Variants in GPRC6A observed in about 807,000 individuals in gnomAD.
The protein encoded by GPRC6A is G protein-coupled receptor family C group 6 member A.
Under a neutral mutation model 47.0 loss-of-function variants are expected in GPRC6A, and 54 were observed. The observed-to-expected ratio is 1.15, with a 90% CI of 0.92 to 1.44. The LOEUF (loss-of-function observed/expected upper bound fraction) is 1.44. GPRC6A is among the 40% of genes most tolerant of loss of function. GPRC6A has a pLI of 0.00. For missense variants in GPRC6A, 1,112 were observed against 1,105.5 expected (o/e 1.01, Z -0.08); for synonymous variants, 347 against 377.1 (o/e 0.92, Z 0.93).
intron 1 of GPRC6A, among the ~76,000 whole-genome samples, chr6:116,811,176 T>C (rs1773011494): frequency 6.6e-6 from 1 of 152,132 alleles, no homozygotes; most frequent in Admixed American, 6.6e-5. Context: ...ACTGAGGAAA[T>C]GTCAGATGGC....
chr6:116,793,321 G>A (rs1011222548), intron 5 of GPRC6A, 71 bp from the exon 6 acceptor site: 64 of 1,059,718 alleles, frequency 6.0e-5, no homozygotes, highest in Middle Eastern at 3.1e-4. Context: ...TACTACAAAT[G>A]AGATTCGTCT....
chr6:116,793,475 GA>G (rs1772384904), intron 5 of GPRC6A, among the ~76,000 whole-genome samples: 1 of 152,040 alleles, frequency 6.6e-6, no homozygotes, highest in South Asian at 2.1e-4. Flanking sequence ...AATAGAGAAA[GA>G]AAAAAAGCCA....
At chr6:116,802,834 G>A (rs1772719190) in intron 3 of GPRC6A, among the ~76,000 whole-genome samples, 1 of 152,064 alleles carries the variant, frequency 6.6e-6, no homozygotes, top group African/African-American at 2.4e-5. Context: ...TGGAATTTAA[G>A]GAAGATGAGT....
chr6:116,819,459 T>C (rs1445364851), intron 1 of GPRC6A, among the ~76,000 whole-genome samples: 3 of 151,972 alleles, frequency 2.0e-5, no homozygotes, highest in African/African-American at 7.3e-5. Flanking sequence ...TACTTGGAAG[T>C]AAAGCTCTCC....
chr6:116,803,611 T>C (rs2114590587), intron 3 of GPRC6A, among the ~76,000 whole-genome samples: 1 of 152,238 alleles, frequency 6.6e-6, no homozygotes, highest in Middle Eastern at 3.4e-3. Flanking sequence ...GACAAGGCTC[T>C]AATAATATGT....
chr6:116,827,122 G>GAAGTTCAA (rs761239227), intron 1 of GPRC6A, among the ~76,000 whole-genome samples: 1 of 151,830 alleles, frequency 6.6e-6, no homozygotes, highest in Non-Finnish European at 1.5e-5. Flanking sequence ...ATAAAAGATA[G>GAAGTTCAA]AAGTTCAATC....
intron 3 of GPRC6A, 56 bp from the exon 4 acceptor site, chr6:116,800,852 A>T: frequency 1.9e-6 from 2 of 1,025,788 alleles, no homozygotes; most frequent in Non-Finnish European, 3.0e-6. Flanking sequence ...AAATGTATCC[A>T]TTATTCTAAT....
At chr6:116,827,350 AG>A (rs1202744488) in intron 1 of GPRC6A, among the ~76,000 whole-genome samples, 1 of 152,048 alleles carries the variant, frequency 6.6e-6, no homozygotes, top group Non-Finnish European at 1.5e-5. Context: ...AATTAAAAAA[AG>A]AGAAACATAG....
At chr6:116,824,117 G>A (rs1302987629) in intron 1 of GPRC6A, among the ~76,000 whole-genome samples, 2 of 151,988 alleles carry the variant, frequency 1.3e-5, no homozygotes, top group African/African-American at 4.8e-5. Flanking sequence ...TAAGAAGGAA[G>A]TATATAGCAA....
At chr6:116,824,149 A>G (rs923854680) in intron 1 of GPRC6A, among the ~76,000 whole-genome samples, 2 of 152,118 alleles carry the variant, frequency 1.3e-5, no homozygotes, top group African/African-American at 4.8e-5. Flanking sequence ...AACGAAAAAG[A>G]AGAAAGATTT....
intron 1 of GPRC6A, among the ~76,000 whole-genome samples, chr6:116,821,718 AT>A (rs1773488444): frequency 6.6e-6 from 1 of 152,020 alleles, no homozygotes; most frequent in Non-Finnish European, 1.5e-5. Context: ...TTCAACATGG[AT>A]TAAAGACTTA....
intron 1 of GPRC6A, among the ~76,000 whole-genome samples, chr6:116,818,988 G>T (rs1747582112): frequency 6.6e-6 from 1 of 152,004 alleles, no homozygotes; most frequent in African/African-American, 2.4e-5. Context: ...ACACACATAG[G>T]CTCAAAATAA....
At chr6:116,823,511 C>T (rs1340386314) in intron 1 of GPRC6A, among the ~76,000 whole-genome samples, 3 of 152,054 alleles carry the variant, frequency 2.0e-5, no homozygotes, top group African/African-American at 7.2e-5. Flanking sequence ...CTAGGAAGTT[C>T]CAAAGTTTCC....
At chr6:116,800,851 C>G (rs1772653529) in intron 3 of GPRC6A, 55 bp from the exon 4 acceptor site, 22 of 1,054,552 alleles carry the variant, frequency 2.1e-5, no homozygotes, top group Non-Finnish European at 2.7e-5. Context: ...CAAATGTATC[C>G]ATTATTCTAA....
intron 3 of GPRC6A, among the ~76,000 whole-genome samples, chr6:116,801,379 G>T (rs1772670209): frequency 1.3e-5 from 2 of 152,094 alleles, no homozygotes; most frequent in African/African-American, 4.8e-5. Flanking sequence ...TTTACAAATG[G>T]GATAGCCATA....
At chr6:116,812,027 C>A (rs1167194648) in intron 1 of GPRC6A, among the ~76,000 whole-genome samples, 1 of 152,084 alleles carries the variant, frequency 6.6e-6, no homozygotes, top group African/African-American at 2.4e-5. Context: ...GGAGGCCCAG[C>A]AATCCCTAAA....
chr6:116,821,190 C>G (rs955444117), intron 1 of GPRC6A, among the ~76,000 whole-genome samples: 3 of 152,008 alleles, frequency 2.0e-5, no homozygotes, highest in Admixed American at 1.3e-4. Flanking sequence ...CTACAAACCA[C>G]TGCTCAAGGA....
rs1160127290 is a variant in GPRC6A at position 116,818,789 on chromosome 6, A to G, written c.195-9172T>C. 2.6e-5 allele frequency among the ~76,000 whole-genome samples: 4 copies of G among 151,996 alleles called. 1 individual carries two copies. In the East Asian group the frequency reaches 7.8e-4, roughly 29 times the overall value. ...TAAAGACCATCGAGACTAGGAAGAAACTGCATCAACTAACGAACAAAATAA... is the reference window on the plus strand; with the variant it reads ...TAAAGACCATCGAGACTAGGAAGAAGCTGCATCAACTAACGAACAAAATAA... On this transcript the variant is annotated intron_variant, in intron 1 of 5. Transcript: ENST00000310357.
chr6:116,823,051 A>T (rs1773556412), intron 1 of GPRC6A, among the ~76,000 whole-genome samples: 1 of 151,864 alleles, frequency 6.6e-6, no homozygotes, highest in Admixed American at 6.6e-5. Context: ...TTTAATGCAA[A>T]TTTTTGCAGC....
Sources: gnomAD v4.1 joint callset for allele counts (sites outside exome capture counted in the v4.1 genomes callset) on GRCh38, gnomAD v4.1.1 for gene constraint, MANE v1.5 for transcripts, NCBI Gene and HGNC (gene_info 2026-07-23, HGNC 2026-07-21) for gene names.